CA10: variants seen among roughly 807,000 people sequenced by gnomAD.
CA10 encodes the protein carbonic anhydrase 10 (inactive).
Under a neutral mutation model 44.2 loss-of-function variants are expected in CA10, and 14 were observed. That is an observed-to-expected ratio of 0.32 (90% CI 0.21 to 0.50). CA10 has a LOEUF of 0.50. Ranked by LOEUF, CA10 falls within the 20% of genes least tolerant of loss-of-function variation. CA10 has a pLI of 0.99. For synonymous variants in CA10, 159 were observed against 141.6 expected, an observed-to-expected ratio of 1.12 and a Z score of -0.87; for missense variants, 350 against 409.7, an observed-to-expected ratio of 0.85 and a Z score of 1.26.
chr17:51,842,444 C>T (rs1398773106), intron 3 of CA10, among the ~76,000 whole-genome samples: 1 of 152,118 alleles, frequency 6.6e-6, no homozygotes, highest in East Asian at 1.9e-4. Flanking sequence ...TCCTGTTTAT[C>T]CATTAAACAC....
rs1252415955 is a variant in CA10 at position 51,826,898 on chromosome 17, T to A, written c.280-79080A>T. ...AATAGCTAAAGGCAGTGACAGCCAG[T>A]GCTGGACACTGCATTCTCCCTGTGG... On this transcript the variant is annotated intron_variant, in intron 3 of 8. Transcript: ENST00000451037. Among the ~76,000 whole-genome samples, 7 of 152,318 alleles carry A rather than the reference T, an allele frequency of 4.6e-5. No homozygotes were observed. In the East Asian group the frequency reaches 1.4e-3, roughly 29 times the overall value.
chr17:51,738,985 G>T (rs191897464), intron 4 of CA10, among the ~76,000 whole-genome samples: 2 of 152,052 alleles, frequency 1.3e-5, no homozygotes, highest in African/African-American at 4.8e-5. Context: ...GTACACACAG[G>T]GGGTATGCTG....
chr17:51,834,273 T>C (rs1044213249), intron 3 of CA10, among the ~76,000 whole-genome samples: 2 of 152,206 alleles, frequency 1.3e-5, no homozygotes, highest in Non-Finnish European at 2.9e-5. Context: ...CAACATATGA[T>C]GCATGCATGA....
intron 3 of CA10, among the ~76,000 whole-genome samples, chr17:51,904,984 A>G (rs1347919481): frequency 6.6e-6 from 1 of 152,096 alleles, no homozygotes; most frequent in Non-Finnish European, 1.5e-5. Flanking sequence ...AAAAAATACT[A>G]TTTACATGTT....
At chr17:51,967,544 T>C (rs1984128067) in intron 2 of CA10, among the ~76,000 whole-genome samples, 1 of 151,784 alleles carries the variant, frequency 6.6e-6, no homozygotes, top group Admixed American at 6.6e-5. Flanking sequence ...TGCAGTAACA[T>C]AGATGCACCT....
chr17:51,859,233 C>G (rs1172622721), intron 3 of CA10, among the ~76,000 whole-genome samples: 2 of 152,050 alleles, frequency 1.3e-5, no homozygotes, highest in East Asian at 3.9e-4. Flanking sequence ...GTGTTGTAAT[C>G]ACTTTCTTAA....
intron 3 of CA10, among the ~76,000 whole-genome samples, chr17:51,829,429 C>T (rs907574455): frequency 3.3e-5 from 5 of 152,146 alleles, no homozygotes; most frequent in East Asian, 1.9e-4. Context: ...CAAAAGATTA[C>T]CCCTGTGACA....
At chr17:51,752,479 T>G (rs1448104845) in intron 3 of CA10, among the ~76,000 whole-genome samples, 1 of 152,074 alleles carries the variant, frequency 6.6e-6, no homozygotes, top group African/African-American at 2.4e-5. Flanking sequence ...GATGTCCATT[T>G]TACCAGCAAA....
At chr17:51,927,357 T>C (rs1359422103) in intron 3 of CA10, among the ~76,000 whole-genome samples, 1 of 152,158 alleles carries the variant, frequency 6.6e-6, no homozygotes, top group African/African-American at 2.4e-5. Flanking sequence ...AATGATAGAA[T>C]CGGCAAGTGG....
intron 1 of CA10, among the ~76,000 whole-genome samples, chr17:52,121,303 G>A (rs533762587): frequency 1.3e-5 from 2 of 152,220 alleles, no homozygotes; most frequent in Admixed American, 6.5e-5. Context: ...ATGAGAAGAC[G>A]AGGGTGACAT....
chr17:52,100,931 C>T (rs1567733459), intron 1 of CA10, among the ~76,000 whole-genome samples: 1 of 152,144 alleles, frequency 6.6e-6, no homozygotes, highest in African/African-American at 2.4e-5. Flanking sequence ...GTCTATGATG[C>T]CTTCTAAATA....
chr17:51,836,201 T>C (rs1908471404), intron 3 of CA10, among the ~76,000 whole-genome samples: 1 of 152,222 alleles, frequency 6.6e-6, no homozygotes, highest in African/African-American at 2.4e-5. Context: ...CAACAGTCTT[T>C]GTTGACTTGG....
At chr17:51,693,702 C>A (rs781771395) in intron 4 of CA10, among the ~76,000 whole-genome samples, 8 of 152,170 alleles carry the variant, frequency 5.3e-5, no homozygotes, top group Non-Finnish European at 1.0e-4. Context: ...TGTAGCATTT[C>A]ATGGTGTATA....
chr17:51,895,294 T>C (rs1981021101), intron 3 of CA10, among the ~76,000 whole-genome samples: 1 of 152,030 alleles, frequency 6.6e-6, no homozygotes, highest in Admixed American at 6.6e-5. Context: ...TCATTTACAA[T>C]ACAGAAAACA....
chr17:52,002,739 G>A lies in CA10; in HGVS notation c.136+69580C>T, dbSNP rs1056652811. 2.5e-4 allele frequency among the ~76,000 whole-genome samples: 38 copies of A among 152,054 alleles called. 1 individual carries two copies. Among genetic ancestry groups the A allele is most frequent in the Non-Finnish European group, 1.8e-4 (12 of 67,928 alleles). On this transcript the variant is annotated intron_variant, in intron 2 of 8. Coordinates refer to ENST00000451037, the MANE Select transcript of CA10 (RefSeq NM_020178.5). ...GGAAGTATATCCATTAAGCTCCTCT[G>A]ATGGACATTCAGGGACTCCGTAGAC...
At chr17:52,007,804 A>G (rs1006634014) in intron 2 of CA10, among the ~76,000 whole-genome samples, 6 of 151,502 alleles carry the variant, frequency 4.0e-5, no homozygotes, top group African/African-American at 1.4e-4. Context: ...AGTTTGGACT[A>G]TATATGTACC....
At chr17:51,691,312 G>T (rs1915184854) in intron 4 of CA10, among the ~76,000 whole-genome samples, 1 of 152,044 alleles carries the variant, frequency 6.6e-6, no homozygotes, top group Non-Finnish European at 1.5e-5. Context: ...ATTTTCATTT[G>T]CATTTGATGA....
rs1432299640 is a variant in CA10 at position 51,878,892 on chromosome 17, G to GT, written c.279+52097_279+52098insA. ...TATATATATATATATATATATATATGGGTGTGTGTGTGTGTGTGTGTATGT... is the reference window on the plus strand; with the variant it reads ...TATATATATATATATATATATATATGTGGTGTGTGTGTGTGTGTGTGTATGT... On this transcript the variant is annotated intron_variant, in intron 3 of 8. Coordinates refer to ENST00000451037, the MANE Select transcript of CA10 (RefSeq NM_020178.5). Among the ~76,000 whole-genome samples, 22 of 27,132 alleles carry GT rather than the reference G, an allele frequency of 8.1e-4. 1 individual carries two copies. Among genetic ancestry groups the GT allele is most frequent in the Middle Eastern group, 0.018 (1 of 56 alleles). The allele number at this position is 27,132 out of a possible 152,430, so 17.8% of individuals were successfully genotyped here.
chr17:51,830,642 C>T (rs1290614839), intron 3 of CA10, among the ~76,000 whole-genome samples: 1 of 152,182 alleles, frequency 6.6e-6, no homozygotes, highest in East Asian at 1.9e-4. Flanking sequence ...GGATAGAAAG[C>T]TGGCATTTCT....
Sources: allele counts gnomAD v4.1 joint callset (sites outside exome capture counted in the v4.1 genomes callset), GRCh38; gene constraint gnomAD v4.1.1; transcripts MANE v1.5; gene names NCBI Gene and HGNC (gene_info 2026-07-23, HGNC 2026-07-21).